Variants in NOL4 observed in about 807,000 individuals in gnomAD.
NOL4 encodes the protein nucleolar protein 4.
In NOL4, 17 loss-of-function variants were observed where a neutral mutation model predicts 75.9. That is an observed-to-expected ratio of 0.22 (90% CI 0.15 to 0.34). The LOEUF (loss-of-function observed/expected upper bound fraction) is 0.34. Ranked by LOEUF, NOL4 falls within the 10% of genes least tolerant of loss-of-function variation. The probability of loss-of-function intolerance (pLI) is 1.00; values close to 1 mark genes in which losing one functional copy is unlikely to be tolerated. For synonymous variants in NOL4, 292 were observed against 289.9 expected, an observed-to-expected ratio of 1.01 and a Z score of -0.07; for missense variants, 614 against 793.5, an observed-to-expected ratio of 0.77 and a Z score of 2.72.
At chr18:34,219,909 A>G (rs1172700697) in intron 1 of NOL4, among the ~76,000 whole-genome samples, 1 of 152,242 alleles carries the variant, frequency 6.6e-6, no homozygotes, top group African/African-American at 2.4e-5. Context: ...TATCTACTCC[A>G]TCAAAAAGCA....
intron 5 of NOL4, among the ~76,000 whole-genome samples, chr18:34,020,078 T>C (rs1447621447): frequency 1.3e-5 from 2 of 151,846 alleles, no homozygotes; most frequent in Admixed American, 6.6e-5. Context: ...TCACCAGGAG[T>C]AGATGCTGGC....
chr18:34,133,538 T>C (rs1185053313), intron 1 of NOL4, among the ~76,000 whole-genome samples: 1 of 151,958 alleles, frequency 6.6e-6, no homozygotes, highest in Non-Finnish European at 1.5e-5. Context: ...TGTTCTTGAA[T>C]GACTTCAAAG....
chr18:33,974,048 G>A (rs747951961), intron 6 of NOL4, among the ~76,000 whole-genome samples: 2 of 152,064 alleles, frequency 1.3e-5, no homozygotes, highest in Non-Finnish European at 2.9e-5. Flanking sequence ...TCTAATAAAA[G>A]GCTATCTTGT....
chr18:34,163,817 A>G (rs1401329748), intron 1 of NOL4, among the ~76,000 whole-genome samples: 1 of 152,204 alleles, frequency 6.6e-6, no homozygotes. Context: ...AGCTGGAGGT[A>G]TCACACTACC....
intron 1 of NOL4, among the ~76,000 whole-genome samples, chr18:34,196,817 G>A (rs2035363153): frequency 6.6e-6 from 1 of 151,896 alleles, no homozygotes; most frequent in African/African-American, 2.4e-5. Context: ...AAATAATTGA[G>A]TTTAGTTTTA....
chr18:33,908,138 T>C (rs937002960), intron 9 of NOL4, among the ~76,000 whole-genome samples: 2 of 152,186 alleles, frequency 1.3e-5, no homozygotes, highest in African/African-American at 4.8e-5. Context: ...TCTCAGATAC[T>C]ATGCATTTTT....
At chr18:33,862,775 C>T (rs1285547262) in intron 10 of NOL4, among the ~76,000 whole-genome samples, 1 of 152,146 alleles carries the variant, frequency 6.6e-6, no homozygotes. Flanking sequence ...GAAACAACAG[C>T]TACTGGAGAG....
At chr18:33,935,040 T>C (rs2067968878) in intron 9 of NOL4, among the ~76,000 whole-genome samples, 1 of 151,882 alleles carries the variant, frequency 6.6e-6, no homozygotes, top group African/African-American at 2.4e-5. Flanking sequence ...TTAAAAAACA[T>C]TTTTGTAGAG....
chr18:33,863,136 T>G (rs1294117201), intron 10 of NOL4, among the ~76,000 whole-genome samples: 2 of 151,932 alleles, frequency 1.3e-5, no homozygotes, highest in Non-Finnish European at 2.9e-5. Context: ...ATGGATGAAA[T>G]TGGAAATCAT....
chr18:34,120,332 G>C (rs2080081344), intron 2 of NOL4, among the ~76,000 whole-genome samples: 1 of 152,076 alleles, frequency 6.6e-6, no homozygotes, highest in Non-Finnish European at 1.5e-5. Context: ...TCATAAGCTA[G>C]CACATATACA....
chr18:33,978,387 T>C (rs957410604), intron 6 of NOL4, among the ~76,000 whole-genome samples: 1 of 152,102 alleles, frequency 6.6e-6, no homozygotes, highest in East Asian at 1.9e-4. Context: ...CTAGTGAGTG[T>C]AGTATTCCAT....
At chr18:33,868,534 C>T (rs1178790359) in intron 10 of NOL4, among the ~76,000 whole-genome samples, 2 of 151,940 alleles carry the variant, frequency 1.3e-5, no homozygotes, top group Non-Finnish European at 2.9e-5. Flanking sequence ...GAGATAATTA[C>T]TAAGACATGT....
intron 9 of NOL4, among the ~76,000 whole-genome samples, chr18:33,888,650 T>A (rs1380160962): frequency 6.6e-6 from 1 of 152,132 alleles, no homozygotes; most frequent in Admixed American, 6.6e-5. Context: ...TAGACAGTTT[T>A]CCCAGCACCA....
At chr18:34,027,148 T>C (rs557422712) in intron 5 of NOL4, among the ~76,000 whole-genome samples, 15 of 152,168 alleles carry the variant, frequency 9.9e-5, no homozygotes, top group African/African-American at 3.4e-4. Context: ...ATAGAAATAG[T>C]AGAATATAAA....
chr18:34,019,220 T>C (rs2074887609), intron 6 of NOL4, 98 bp downstream of exon 6: 2 of 997,120 alleles, frequency 2.0e-6, no homozygotes, highest in East Asian at 2.6e-5. Context: ...GTTTATAATA[T>C]TTTTATTAAC....
chr18:34,044,439 T>A (rs918173177), intron 5 of NOL4, among the ~76,000 whole-genome samples: 1 of 152,018 alleles, frequency 6.6e-6, no homozygotes, highest in Non-Finnish European at 1.5e-5. Context: ...ACTTCCCAAA[T>A]TAAAAGTTAT....
At chr18:34,086,097 T>A (rs1023960870) in intron 5 of NOL4, among the ~76,000 whole-genome samples, 1 of 152,160 alleles carries the variant, frequency 6.6e-6, no homozygotes, top group East Asian at 1.9e-4. Flanking sequence ...CAATTCAGAA[T>A]ATTTAAACAA....
chr18:33,984,506 G>A (rs2072272382), intron 6 of NOL4, among the ~76,000 whole-genome samples: 1 of 152,024 alleles, frequency 6.6e-6, no homozygotes, highest in African/African-American at 2.4e-5. Context: ...GGTTTCTCAT[G>A]GTTTAACACC....
intron 9 of NOL4, among the ~76,000 whole-genome samples, chr18:33,940,638 G>A (rs1272167608): frequency 1.3e-5 from 2 of 151,862 alleles, no homozygotes; most frequent in East Asian, 3.9e-4. Context: ...CATGGCACAT[G>A]TATACCTATG....
Sources: gnomAD v4.1 joint callset for allele counts (sites outside exome capture counted in the v4.1 genomes callset) on GRCh38, gnomAD v4.1.1 for gene constraint, MANE v1.5 for transcripts, NCBI Gene and HGNC (gene_info 2026-07-23, HGNC 2026-07-21) for gene names.